Variants in TGFA observed in about 807,000 individuals in gnomAD.
The protein encoded by TGFA is transforming growth factor alpha.
In TGFA, 12 loss-of-function variants were observed where a neutral mutation model predicts 21.7. The observed-to-expected ratio is 0.55, with a 90% CI of 0.35 to 0.90. The LOEUF (loss-of-function observed/expected upper bound fraction) is 0.90. TGFA is among the 40% of genes least tolerant of loss of function. The pLI, the probability that TGFA is intolerant of heterozygous loss-of-function variation, is 0.01. For missense variants in TGFA, 178 were observed against 210.8 expected, an observed-to-expected ratio of 0.84 and a Z score of 0.96; for synonymous variants, 79 against 88.1, an observed-to-expected ratio of 0.90 and a Z score of 0.58.
chr2:70,544,069 CA>C (rs1673216547), intron 1 of TGFA, among the ~76,000 whole-genome samples: 1 of 151,910 alleles, frequency 6.6e-6, no homozygotes, highest in South Asian at 2.1e-4. Flanking sequence ...ACTAACAAAA[CA>C]AAAAATGCCA....
intron 1 of TGFA, among the ~76,000 whole-genome samples, chr2:70,547,559 AAC>A (rs1360078846): frequency 1.2e-4 from 18 of 145,502 alleles, no homozygotes; most frequent in African/African-American, 4.3e-4. Flanking sequence ...AAAAAAAAAA[AAC>A]ATGAAAAACA....
intron 1 of TGFA, among the ~76,000 whole-genome samples, chr2:70,521,609 G>GTTGGTTTTTTTT (rs1432347684): frequency 8.9e-5 from 7 of 78,874 alleles, no homozygotes; most frequent in African/African-American, 3.5e-4. Flanking sequence ...TTTTGTTGTT[G>GTTGGTTTTTTTT]TTTGTTTGTT....
intron 1 of TGFA, among the ~76,000 whole-genome samples, chr2:70,529,940 G>C (rs1235344609): frequency 2.0e-5 from 3 of 152,180 alleles, no homozygotes; most frequent in Non-Finnish European, 4.4e-5. Flanking sequence ...AACAGAAACA[G>C]AGCCAGCAGA....
intron 1 of TGFA, among the ~76,000 whole-genome samples, chr2:70,541,873 T>C (rs984848384): frequency 2.0e-5 from 3 of 152,168 alleles, no homozygotes; most frequent in Non-Finnish European, 4.4e-5. Flanking sequence ...TATAACACCC[T>C]AGGTCTGCTA....
intron 5 of TGFA, 31 bp from the exon 6 acceptor site, chr2:70,450,897 G>C: frequency 1.2e-6 from 2 of 1,602,706 alleles, no homozygotes; most frequent in South Asian, 2.2e-5. Context: ...GTTAAGCACT[G>C]TGGGCCACAC....
At chr2:70,529,322 G>A (rs546507310) in intron 1 of TGFA, among the ~76,000 whole-genome samples, 20 of 152,318 alleles carry the variant, frequency 1.3e-4, no homozygotes, top group African/African-American at 4.6e-4. Context: ...TCCTATTTGA[G>A]CAGCAGCACT....
At chr2:70,531,884 T>C (rs1553503746) in intron 1 of TGFA, among the ~76,000 whole-genome samples, 1 of 152,102 alleles carries the variant, frequency 6.6e-6, no homozygotes, top group Non-Finnish European at 1.5e-5. Context: ...AAAGGTGAAA[T>C]AAGAAGTCCA....
intron 4 of TGFA, 36 bp from the exon 5 acceptor site, chr2:70,453,363 C>T: frequency 6.3e-7 from 1 of 1,594,886 alleles, no homozygotes; most frequent in Non-Finnish European, 8.6e-7. Context: ...TGGGCAGGAG[C>T]CTGGTAGGAG....
intron 4 of TGFA, among the ~76,000 whole-genome samples, chr2:70,454,435 G>C (rs906318485): frequency 6.6e-6 from 1 of 152,244 alleles, no homozygotes; most frequent in Non-Finnish European, 1.5e-5. Flanking sequence ...GTGTGCCTGG[G>C]CACGAGGCCC....
chr2:70,455,441 C>T (rs1246856124), intron 4 of TGFA, among the ~76,000 whole-genome samples: 1 of 152,194 alleles, frequency 6.6e-6, no homozygotes, highest in Non-Finnish European at 1.5e-5. Context: ...GCCAGAGGGG[C>T]CCATCCACTG....
chr2:70,504,447 T>TAC (rs1559123912), intron 2 of TGFA, among the ~76,000 whole-genome samples: 5 of 82,096 alleles, frequency 6.1e-5, no homozygotes, highest in African/African-American at 9.4e-5. Flanking sequence ...TATATATATA[T>TAC]ATATATATAT....
At chr2:70,500,773 T>A (rs1262369924) in intron 2 of TGFA, among the ~76,000 whole-genome samples, 2 of 152,210 alleles carry the variant, frequency 1.3e-5, no homozygotes, top group African/African-American at 4.8e-5. Flanking sequence ...CCATTTGAGT[T>A]CTTTATACAG....
rs543541162 is a variant in TGFA, at chr2:70,525,341, G to A, written c.41-10429C>T. ...CAGCATCAGCCTGGAAGTAGGGGATGGGGGAAGGGGACAATGCTGCCCCAT... is the reference window on the plus strand; with the variant it reads ...CAGCATCAGCCTGGAAGTAGGGGATAGGGGAAGGGGACAATGCTGCCCCAT... On this transcript the variant is annotated intron_variant, in intron 1 of 5. Coordinates refer to ENST00000295400, the MANE Select transcript of TGFA (RefSeq NM_003236.4). 2.2e-3 allele frequency among the ~76,000 whole-genome samples: 339 copies of A among 152,280 alleles called. 1 individual carries two copies. Among genetic ancestry groups the A allele is most frequent in the African/African-American group, 7.8e-3 (323 of 41,548 alleles).
intron 2 of TGFA, among the ~76,000 whole-genome samples, chr2:70,494,591 C>T (rs1362352051): frequency 1.3e-5 from 2 of 152,172 alleles, no homozygotes; most frequent in African/African-American, 2.4e-5. Flanking sequence ...TACCAAATGG[C>T]TCTCATAAAT....
intron 1 of TGFA, among the ~76,000 whole-genome samples, chr2:70,535,838 G>A (rs1231747478): frequency 1.3e-5 from 2 of 152,150 alleles, no homozygotes; most frequent in African/African-American, 4.8e-5. Context: ...TGGTTCACTG[G>A]TGCAATACCA....
intron 2 of TGFA, among the ~76,000 whole-genome samples, chr2:70,496,413 A>C (rs3771496): frequency 0.68 from 102,489 of 151,830 alleles, 35,258 homozygotes; most frequent in African/African-American, 0.79. Flanking sequence ...ATGGACAAAA[A>C]ATTTTGAGCC....
chr2:70,520,440 G>C (rs1322212461), intron 1 of TGFA, among the ~76,000 whole-genome samples: 1 of 151,886 alleles, frequency 6.6e-6, no homozygotes, highest in Non-Finnish European at 1.5e-5. Context: ...TTTGAACCTG[G>C]GAGGCGGAGA....
chr2:70,553,675 G>C, intron 1 of TGFA, 53 bp downstream of exon 1: 4 of 1,329,254 alleles, frequency 3.0e-6, no homozygotes, highest in Non-Finnish European at 3.9e-6. Flanking sequence ...GGCGGGGACC[G>C]GGGGAAGCAG....
At chr2:70,505,484 C>T (rs1671895615) in intron 2 of TGFA, among the ~76,000 whole-genome samples, 1 of 152,082 alleles carries the variant, frequency 6.6e-6, no homozygotes, top group African/African-American at 2.4e-5. Flanking sequence ...TATCTAAGAG[C>T]ACCAGGAAGA....
Sources: allele counts gnomAD v4.1 joint callset (sites outside exome capture counted in the v4.1 genomes callset), GRCh38; gene constraint gnomAD v4.1.1; transcripts MANE v1.5; gene names NCBI Gene and HGNC (gene_info 2026-07-23, HGNC 2026-07-21).